Variants in SCNN1G observed in about 807,000 individuals in gnomAD.
SCNN1G encodes the protein sodium channel epithelial 1 subunit gamma, also known as epithelial sodium channel subunit gamma.
Under a neutral mutation model 64.6 loss-of-function variants are expected in SCNN1G, and 27 were observed. The observed-to-expected ratio is 0.42, with a 90% CI of 0.31 to 0.58. The LOEUF (loss-of-function observed/expected upper bound fraction) is 0.58, where lower values mean the gene tolerates loss of function less well. Among genes scored for constraint, SCNN1G ranks in the 20% least tolerant of loss-of-function variants. The pLI is 0.18. For synonymous variants in SCNN1G, 330 were observed against 314.2 expected (o/e 1.05, Z -0.53); for missense variants, 743 against 823.4 (o/e 0.90, Z 1.19).
At chr16:23,205,367 G>A (rs928076949) in intron 6 of SCNN1G, among the ~76,000 whole-genome samples, 2 of 152,040 alleles carry the variant, frequency 1.3e-5, no homozygotes, top group Non-Finnish European at 2.9e-5. Flanking sequence ...CATGGGAGGG[G>A]CCCTGAGACA....
At chr16:23,192,318 A>C in intron 3 of SCNN1G, 34 bp from the exon 4 acceptor site, 1 of 1,568,532 alleles carries the variant, frequency 6.4e-7, no homozygotes. Flanking sequence ...GATAGGACCG[A>C]TGGCTTCAGC....
rs759102803 is a variant in SCNN1G, at chr16:23,189,596, A to G, written c.543A>G (p.Lys181=). The change falls in exon 3 of 13, where the codon AAA becomes AAG. Residue 181 remains lysine, a synonymous_variant. Transcript: ENST00000300061. The part of the protein sequence containing the change: ...ARDFFTGRKR[K]VGGSIIHKAS... ...ACTTCTTCACAGGGAGGAAGCGGAA[A>G]GTCGGCGGTAGCATCATTCACAAGG... 6.2e-7 allele frequency: 1 copy of G among 1,614,234 alleles called. No homozygotes were observed. The highest frequency in any genetic ancestry group is 1.7e-5 in the Admixed American group (1 of 60,024).
At chr16:23,196,151 A>G (rs926646369) in intron 5 of SCNN1G, 7 of 152,432 alleles carry the variant, frequency 4.6e-5, no homozygotes, top group African/African-American at 1.7e-4. Context: ...TGGGGTCAGG[A>G]TGGGGGGGTT....
chr16:23,189,255 G>A, intron 2 of SCNN1G, 116 bp from the exon 3 acceptor site: 2 of 1,079,426 alleles, frequency 1.9e-6, no homozygotes, highest in Non-Finnish European at 1.4e-6. Flanking sequence ...CTGCCAAGGA[G>A]TTGGGAAAGG....
Position 23,189,520 on chromosome 16 carries a change from A to G in SCNN1G, c.467A>G (p.His156Arg). 1.2e-6 allele frequency: 2 copies of G among 1,614,224 alleles called. No homozygotes were observed. Among genetic ancestry groups the G allele is most frequent in the Non-Finnish European group, 1.7e-6 (2 of 1,180,036 alleles). ...VSEGKQPRFS[H>R]RIPLLIFDQD... ...GAGGGAAAGCAGCCTAGATTCTCCC[A>G]CCGGATTCCGCTGCTGATCTTTGAT... Residue 156 changes from histidine (H) to arginine (R), a missense_variant, in exon 3 of 13, where the codon CAC (histidine) becomes CGC (arginine). Coordinates refer to ENST00000300061, the MANE Select transcript of SCNN1G (RefSeq NM_001039.4).
At chr16:23,184,201 C>T (rs1366484671) in intron 1 of SCNN1G, among the ~76,000 whole-genome samples, 1 of 151,846 alleles carries the variant, frequency 6.6e-6, no homozygotes, top group East Asian at 1.9e-4. Flanking sequence ...CACTTGGGGG[C>T]TCCTCTGACA....
In SCNN1G at chr16:23,186,814, T is replaced by C. The variant is rs143219230; in HGVS notation, c.317+226T>C. Among the ~76,000 whole-genome samples the C allele has an allele frequency of 1.1e-3, 161 of 152,324 alleles. 1 individual carries two copies. The highest frequency in any genetic ancestry group is 3.5e-3 in the African/African-American group (145 of 41,576). On this transcript the variant is annotated intron_variant, in intron 2 of 12. Transcript: ENST00000300061. ...CATCAGTGACTTGTTTTTTTTCTTTTCTTTTTCCTTTTTTGAGATGGAGTT... is the reference window on the plus strand; with the variant it reads ...CATCAGTGACTTGTTTTTTTTCTTTCCTTTTTCCTTTTTTGAGATGGAGTT...
At chr16:23,188,645 G>T (rs550917429) in intron 2 of SCNN1G, among the ~76,000 whole-genome samples, 1 of 152,138 alleles carries the variant, frequency 6.6e-6, no homozygotes, top group Non-Finnish European at 1.5e-5. Context: ...ACACAGAGAG[G>T]CTAAGACATT....
chr16:23,215,113 G>A lies in SCNN1G; in HGVS notation c.1594G>A (p.Gly532Ser). The A allele has an allele frequency of 2.5e-6, 4 of 1,614,098 alleles. No homozygotes were observed. Among genetic ancestry groups the A allele is most frequent in the South Asian group, 1.1e-5 (1 of 91,074 alleles). ...GATTGAGATGCTTCTGTCCAACTTC[G>A]GTGGCCAGCTGGGCCTGTGGATGAG... ...NSIEMLLSNF[G>S]GQLGLWMSCS... Residue 532 changes from glycine to serine, a missense_variant, in exon 13 of 13, where the codon GGT becomes AGT. Transcript: ENST00000300061.
At chr16:23,193,677 A>C (rs4302034) in intron 4 of SCNN1G, among the ~76,000 whole-genome samples, 61,949 of 151,856 alleles carry the variant, frequency 0.41, 13,309 homozygotes, top group East Asian at 0.72. Context: ...CAATACAATA[A>C]AATAAAACAC....
In SCNN1G at chr16:23,194,294, G is replaced by T; in HGVS notation, c.913+20G>T. The T allele has an allele frequency of 3.2e-6, 5 of 1,540,140 alleles. No homozygotes were observed. The highest frequency in any genetic ancestry group is 4.5e-6 in the Non-Finnish European group (5 of 1,112,704). On this transcript the variant is annotated intron_variant, in intron 5 of 12. Coordinates refer to ENST00000300061, the MANE Select transcript of SCNN1G (RefSeq NM_001039.4). ...AATATGGTAAGGAAACCTGTGCCAAGGAGATCTTGAGGCCCTCCAATAGTG... is the reference window on the plus strand; with the variant it reads ...AATATGGTAAGGAAACCTGTGCCAATGAGATCTTGAGGCCCTCCAATAGTG...
chr16:23,212,129 C>A lies in SCNN1G; in HGVS notation c.1272C>A (p.Asn424Lys), dbSNP rs370086012. 6.2e-7 allele frequency: 1 copy of A among 1,611,690 alleles called. No homozygotes were observed. Among genetic ancestry groups the A allele is most frequent in the South Asian group, 1.1e-5 (1 of 91,038 alleles). The change falls in exon 8 of 13, where the codon AAC becomes AAA. Residue 424 changes from asparagine to lysine, a missense_variant. By Grantham distance (94) the Asn-to-Lys change is moderately conservative. Transcript: ENST00000300061. ...QPLPPAANYC[N>K]YQQHPNWMYC... ...TACCTCCTGCAGCCAACTACTGCAACTACCAGCAGCACCCCAACTGGAGTG... is the reference window on the plus strand; with the variant it reads ...TACCTCCTGCAGCCAACTACTGCAAATACCAGCAGCACCCCAACTGGAGTG...
Position 23,192,641 on chromosome 16 carries a change from G to A in SCNN1G, c.809+99G>A, listed in dbSNP as rs1157878303. 13 of 956,292 alleles carry A rather than the reference G, an allele frequency of 1.4e-5. No individual in the cohort carries two copies. In the Admixed American group the frequency reaches 2.4e-4, roughly 18 times the overall value. 59.2% of individuals were successfully genotyped at this position (956,292 alleles called of 1,614,324 possible). ...ACAGCCTTGATGATAGGTCTTGGGA[G>A]CAAAAGGTGCTCTTCTCACTGATGC... is the stretch of plus-strand genomic sequence containing the variant. On this transcript the variant is annotated intron_variant, in intron 4 of 12. Transcript: ENST00000300061.
Position 23,214,241 on chromosome 16 carries a change from T to A in SCNN1G, c.1494-471T>A, listed in dbSNP as rs570854174. 5.3e-5 allele frequency among the ~76,000 whole-genome samples: 8 copies of A among 152,340 alleles called. No individual in the cohort carries two copies. In the East Asian group the frequency reaches 1.3e-3, roughly 26 times the overall value. On this transcript the variant is annotated intron_variant, in intron 11 of 12. Coordinates refer to ENST00000300061, the MANE Select transcript of SCNN1G (RefSeq NM_001039.4). ...GATGAAAATATACATACCTGCCTCA[T>A]AGGGCTGTTGGTAGAATTCAATGAG... is the stretch of plus-strand genomic sequence containing the variant.
At chr16:23,214,607 G>A (rs1422458352) in intron 11 of SCNN1G, 105 bp from the exon 12 acceptor site, 5 of 862,780 alleles carry the variant, frequency 5.8e-6, no homozygotes, top group Non-Finnish European at 9.9e-6. Flanking sequence ...GGAGCTCAGT[G>A]CCTTGGCCAT....
rs1314950531 is a variant in SCNN1G at position 23,189,752 on chromosome 16, G to A, written c.618+81G>A. 6 of 1,332,214 alleles carry A rather than the reference G, an allele frequency of 4.5e-6. No individual in the cohort carries two copies. The East Asian group carries it at 1.1e-4, about 25-fold the overall frequency. The allele number at this position is 1,332,214 out of a possible 1,614,324, so 82.5% of individuals were successfully genotyped here. Reference sequence around the variant, plus strand: ...CCAGGACTCTTCTCCTTGACCACTAGCCCCTGTGGTCCAACTGGAAGAAAT... The same window carrying A: ...CCAGGACTCTTCTCCTTGACCACTAACCCCTGTGGTCCAACTGGAAGAAAT... On this transcript the variant is annotated intron_variant, in intron 3 of 12. Transcript: ENST00000300061.
chr16:23,185,362 T>C (rs1226216329), intron 1 of SCNN1G, among the ~76,000 whole-genome samples: 5 of 152,270 alleles, frequency 3.3e-5, no homozygotes, highest in Middle Eastern at 3.2e-3. Context: ...AGTATATTAG[T>C]TCATTTCTAA....
chr16:23,202,838 G>A (rs921130946), intron 6 of SCNN1G, among the ~76,000 whole-genome samples: 1 of 152,228 alleles, frequency 6.6e-6, no homozygotes. Context: ...TCCAAGGGCA[G>A]GGTATGTTTT....
Position 23,215,914 on chromosome 16 carries a change from C to T in SCNN1G, c.*445C>T. ...GAGTGTCAAGGCTGGACAGCTACTG[C>T]CAGATGCCAAAGATAGGAGAAAGTG... is the stretch of plus-strand genomic sequence containing the variant. On this transcript the variant is annotated 3_prime_UTR_variant, in exon 13 of 13. Transcript: ENST00000300061. The T allele has an allele frequency of 4.5e-6, 1 of 223,634 alleles. No homozygotes were observed. Among genetic ancestry groups the T allele is most frequent in the Non-Finnish European group, 8.9e-6 (1 of 111,826 alleles). 13.9% of individuals were successfully genotyped at this position (223,634 alleles called of 1,614,324 possible).
Sources: allele counts gnomAD v4.1 joint callset (sites outside exome capture counted in the v4.1 genomes callset), GRCh38; gene constraint gnomAD v4.1.1; transcripts MANE v1.5; gene names NCBI Gene and HGNC (gene_info 2026-07-23, HGNC 2026-07-21).